The following CDC42BPA variants were observed in gnomAD, a reference collection of about 807,000 sequenced individuals.
CDC42BPA encodes serine/threonine-protein kinase MRCK alpha.
In CDC42BPA, 80 loss-of-function variants were observed where a neutral mutation model predicts 223.5. The observed-to-expected ratio is 0.36, with a 90% CI of 0.30 to 0.43. The LOEUF is 0.43. Ranked by LOEUF, CDC42BPA falls within the 20% of genes least tolerant of loss-of-function variation. The pLI, the probability that CDC42BPA is intolerant of heterozygous loss-of-function variation, is 1.00. For missense variants in CDC42BPA, 1,743 were observed against 2,099.9 expected (o/e 0.83, Z 3.32); for synonymous variants, 694 against 718.6 (o/e 0.97, Z 0.55).
At chr1:227,047,385 G>A (rs1230448561) in intron 23 of CDC42BPA, among the ~76,000 whole-genome samples, 3 of 151,668 alleles carry the variant, frequency 2.0e-5, no homozygotes, top group African/African-American at 7.3e-5. Context: ...TATTTTTTCA[G>A]GTCTATTGAC....
At chr1:227,008,634 G>C (rs892963799) in intron 34 of CDC42BPA, among the ~76,000 whole-genome samples, 4 of 151,858 alleles carry the variant, frequency 2.6e-5, no homozygotes, top group African/African-American at 9.7e-5. Flanking sequence ...CCTGAGAAAA[G>C]GTTATGGCAA....
At chr1:227,169,521 G>A (rs1665727052) in intron 5 of CDC42BPA, among the ~76,000 whole-genome samples, 1 of 151,820 alleles carries the variant, frequency 6.6e-6, no homozygotes, top group African/African-American at 2.4e-5. Flanking sequence ...TATCACTCAG[G>A]GGTCATGTGA....
chr1:227,247,724 A>G (rs765226839), intron 2 of CDC42BPA, among the ~76,000 whole-genome samples: 12 of 151,992 alleles, frequency 7.9e-5, no homozygotes, highest in Non-Finnish European at 1.8e-4. Context: ...ATCTCTATTA[A>G]AAATACAAAA....
intron 5 of CDC42BPA, among the ~76,000 whole-genome samples, chr1:227,175,953 G>A (rs1003886766): frequency 6.6e-5 from 10 of 152,110 alleles, no homozygotes; most frequent in Non-Finnish European, 1.5e-5. Context: ...CTGTATGTAT[G>A]GTGTACTGGG....
intron 21 of CDC42BPA, chr1:227,069,307 T>C (rs928853315): frequency 3.9e-5 from 6 of 152,248 alleles, no homozygotes; most frequent in Admixed American, 6.5e-5. Flanking sequence ...CTGTGTGATA[T>C]GCCTAACAGA....
chr1:227,282,590 T>G (rs1688185486), intron 1 of CDC42BPA, among the ~76,000 whole-genome samples: 1 of 152,190 alleles, frequency 6.6e-6, no homozygotes, highest in African/African-American at 2.4e-5. Flanking sequence ...TAAATGCAGA[T>G]AAATAATTTT....
chr1:227,265,376 A>C (rs551218001), intron 1 of CDC42BPA, among the ~76,000 whole-genome samples: 2 of 152,248 alleles, frequency 1.3e-5, no homozygotes, highest in South Asian at 4.2e-4. Flanking sequence ...CAATTTATGA[A>C]AAGTAGTTAA....
At chr1:227,090,662 T>A (rs1682901997) in intron 16 of CDC42BPA, among the ~76,000 whole-genome samples, 1 of 151,914 alleles carries the variant, frequency 6.6e-6, no homozygotes, top group African/African-American at 2.4e-5. Context: ...AGTACAAACA[T>A]TAGCTGGGTG....
chr1:227,191,709 G>GT (rs1325626693), intron 5 of CDC42BPA, among the ~76,000 whole-genome samples: 1 of 152,020 alleles, frequency 6.6e-6, no homozygotes, highest in Non-Finnish European at 1.5e-5. Context: ...AGTATTTTCT[G>GT]TAAGTATTTT....
intron 1 of CDC42BPA, among the ~76,000 whole-genome samples, chr1:227,260,110 G>T (rs116295025): frequency 6.7e-6 from 1 of 150,318 alleles, no homozygotes; most frequent in African/African-American, 2.5e-5. Context: ...GCAAAGACAG[G>T]ATTAAAACTC....
At chr1:227,143,257 TAC>T (rs1171206193) in intron 8 of CDC42BPA, among the ~76,000 whole-genome samples, 1 of 152,214 alleles carries the variant, frequency 6.6e-6, no homozygotes, top group African/African-American at 2.4e-5. Context: ...ATATTGAGAA[TAC>T]AGTCATTATT....
chr1:227,100,781 T>TGTGCGC (rs1553337955), intron 15 of CDC42BPA, among the ~76,000 whole-genome samples: 9 of 149,786 alleles, frequency 6.0e-5, no homozygotes, highest in Non-Finnish European at 1.0e-4. Flanking sequence ...TGTGTGTGCG[T>TGTGCGC]GTGCCATCAT....
intron 14 of CDC42BPA, among the ~76,000 whole-genome samples, chr1:227,101,822 G>A (rs1685103268): frequency 6.6e-6 from 1 of 152,058 alleles, no homozygotes; most frequent in South Asian, 2.1e-4. Flanking sequence ...TGATTAAGAA[G>A]GAGAAGAAAT....
At chr1:227,272,072 T>C (rs768760724) in intron 1 of CDC42BPA, among the ~76,000 whole-genome samples, 1 of 152,180 alleles carries the variant, frequency 6.6e-6, no homozygotes, top group Non-Finnish European at 1.5e-5. Flanking sequence ...AAAGCAAAGT[T>C]TGGCCACTTT....
chr1:227,095,874 G>A (rs1683897629), intron 15 of CDC42BPA, among the ~76,000 whole-genome samples: 2 of 152,184 alleles, frequency 1.3e-5, no homozygotes, highest in South Asian at 2.1e-4. Context: ...TTACAGGCAT[G>A]GGCCACCGTG....
intron 5 of CDC42BPA, among the ~76,000 whole-genome samples, chr1:227,193,060 GAAC>G (rs1669979701): frequency 7.1e-6 from 1 of 140,230 alleles, no homozygotes; most frequent in Non-Finnish European, 1.5e-5. Context: ...CTGGAAGTGA[GAAC>G]TTTTTTTTTT....
intron 6 of CDC42BPA, among the ~76,000 whole-genome samples, chr1:227,147,892 C>T (rs531231901): frequency 9.0e-5 from 9 of 100,414 alleles, no homozygotes; most frequent in Admixed American, 3.2e-4. Context: ...CAAACCTATA[C>T]GTGTAAAAAA....
chr1:227,026,155 G>C lies in CDC42BPA; in HGVS notation c.4433-3C>G. ...CGAGAGATATGGTGCATTGTAACCT[G>C]GGAGAAGGGAAGGGGGGGCAGCTTG... On this transcript the variant is annotated splice_region_variant and splice_polypyrimidine_tract_variant and intron_variant, in intron 30 of 36. Coordinates refer to ENST00000366766, the MANE Select transcript of CDC42BPA (RefSeq NM_001394014.1). 1 of 1,550,050 alleles carries C rather than the reference G, an allele frequency of 6.5e-7. No individual in the cohort carries two copies. The highest frequency in any genetic ancestry group is 2.3e-5 in the East Asian group (1 of 43,890).
chr1:227,194,047 ATGC>A lies in CDC42BPA; in HGVS notation c.451-116_451-114del, dbSNP rs904933725. ...CAAATATTTATGCAGTTAATTACATATGCTGCTAATTAACAAGAAACTGTGTAA... is the reference window on the plus strand; with the variant it reads ...CAAATATTTATGCAGTTAATTACATATGCTAATTAACAAGAAACTGTGTAA... On this transcript the variant is annotated intron_variant, in intron 4 of 36. Transcript: ENST00000366766. The A allele has an allele frequency of 8.0e-5, 48 of 600,262 alleles. No individual in the cohort carries two copies. The Admixed American group carries it at 1.1e-3, about 14-fold the overall frequency. The allele number at this position is 600,262 out of a possible 1,614,324, so 37.2% of individuals were successfully genotyped here.
Sources: allele counts gnomAD v4.1 joint callset (sites outside exome capture counted in the v4.1 genomes callset), GRCh38; gene constraint gnomAD v4.1.1; transcripts MANE v1.5; gene names NCBI Gene and HGNC (gene_info 2026-07-23, HGNC 2026-07-21).